CDH13: variants seen among roughly 807,000 people sequenced by gnomAD.
CDH13 encodes cadherin 13.
CDH13 carries 24 observed loss-of-function variants against 63.8 expected under a neutral mutation model. The observed-to-expected ratio is 0.38, with a 90% confidence interval of 0.27 to 0.53. CDH13 has a LOEUF of 0.53. Among genes scored for constraint, CDH13 ranks in the 20% least tolerant of loss-of-function variants. The pLI, the probability that CDH13 is intolerant of heterozygous loss-of-function variation, is 0.85. For missense variants in CDH13, 1,049 were observed against 903.1 expected (o/e 1.16, Z -2.07); for synonymous variants, 503 against 355.3 (o/e 1.42, Z -4.67).
chr16:82,682,057 C>T (rs16958212), intron 1 of CDH13, among the ~76,000 whole-genome samples: 9,608 of 152,256 alleles, frequency 0.063, 552 homozygotes, highest in East Asian at 0.26. Flanking sequence ...ATAATAACTA[C>T]GGAGTAATAA....
chr16:83,787,388 C>T (rs571105568), intron 13 of CDH13, among the ~76,000 whole-genome samples: 6 of 152,286 alleles, frequency 3.9e-5, no homozygotes, highest in African/African-American at 7.2e-5. Flanking sequence ...TATCCAAACA[C>T]GGACTTGAGG....
chr16:83,123,855 C>G (rs1481261364), intron 3 of CDH13, among the ~76,000 whole-genome samples: 1 of 152,138 alleles, frequency 6.6e-6, no homozygotes, highest in East Asian at 1.9e-4. Flanking sequence ...TCTCTTCAGC[C>G]TCACCAATAT....
chr16:82,888,944 C>T lies in CDH13; in HGVS notation c.157+30471C>T, dbSNP rs1055911607. Among the ~76,000 whole-genome samples the T allele has an allele frequency of 2.0e-5, 3 of 152,112 alleles. No individual in the cohort carries two copies. The South Asian group carries it at 6.2e-4, about 32-fold the overall frequency. On this transcript the variant is annotated intron_variant, in intron 2 of 13. Coordinates refer to ENST00000567109, the MANE Select transcript of CDH13 (RefSeq NM_001257.5). ...GCCCAAGTTTGTTAATGTTTCATTG[C>T]TTGGGGTGTTTTAAGATCCTGTGCC...
chr16:83,125,613 T>C (rs1332120962), intron 4 of CDH13, 112 bp downstream of exon 4: 4 of 603,984 alleles, frequency 6.6e-6, no homozygotes, highest in East Asian at 2.8e-5. Context: ...CATCTGTCTA[T>C]GATAAGAGAC....
chr16:83,297,357 C>T (rs76670275), intron 5 of CDH13, among the ~76,000 whole-genome samples: 3,568 of 152,036 alleles, frequency 0.023, 141 homozygotes, highest in African/African-American at 0.081. Context: ...ATTATTAATA[C>T]AATAATTGTA....
At chr16:83,011,688 C>G (rs1914172066) in intron 2 of CDH13, among the ~76,000 whole-genome samples, 2 of 152,212 alleles carry the variant, frequency 1.3e-5, no homozygotes, top group Admixed American at 1.3e-4. Context: ...TCTTCTACCA[C>G]CTTTCCGGCC....
chr16:83,644,712 G>A (rs1911627747), intron 8 of CDH13, among the ~76,000 whole-genome samples: 1 of 152,202 alleles, frequency 6.6e-6, no homozygotes, highest in African/African-American at 2.4e-5. Flanking sequence ...GCAGAGCAGA[G>A]GTGGAATTCT....
chr16:83,135,558 T>C (rs1025479486), intron 4 of CDH13, among the ~76,000 whole-genome samples: 1 of 152,226 alleles, frequency 6.6e-6, no homozygotes, highest in African/African-American at 2.4e-5. Flanking sequence ...ACCAGGGCTC[T>C]GGATGGATTT....
At chr16:83,188,777 G>T (rs2038606864) in intron 4 of CDH13, among the ~76,000 whole-genome samples, 1 of 152,194 alleles carries the variant, frequency 6.6e-6, no homozygotes, top group Non-Finnish European at 1.5e-5. Flanking sequence ...TAGGATTAAT[G>T]ACCAACCATA....
rs575492652 is a variant in CDH13 at position 82,829,923 on chromosome 16, C to T, written c.46-28439C>T. Among the ~76,000 whole-genome samples the T allele has an allele frequency of 2.0e-5, 3 of 152,288 alleles. No homozygotes were observed. The South Asian group carries it at 6.2e-4, about 32-fold the overall frequency. The stretch of plus-strand genomic sequence containing the variant: ...CCTTTGAGGACCATATCAGATGGTA[C>T]TTCCATAACAATTGTTAGGAAAATA... On this transcript the variant is annotated intron_variant, in intron 1 of 13. Transcript: ENST00000567109.
chr16:82,766,184 C>A (rs189461707), intron 1 of CDH13, among the ~76,000 whole-genome samples: 1 of 152,164 alleles, frequency 6.6e-6, no homozygotes, highest in Non-Finnish European at 1.5e-5. Flanking sequence ...TAGGCTTCTG[C>A]TAAAAAGTCT....
intron 1 of CDH13, chr16:82,824,409 G>C (rs571964529): frequency 6.6e-6 from 1 of 152,110 alleles, no homozygotes; most frequent in South Asian, 2.1e-4. Context: ...TAGGTAATAA[G>C]CAACGAAAAA....
At chr16:83,332,071 G>C (rs902017281) in intron 5 of CDH13, among the ~76,000 whole-genome samples, 2 of 152,036 alleles carry the variant, frequency 1.3e-5, no homozygotes, top group African/African-American at 4.8e-5. Flanking sequence ...TTCCTCATAA[G>C]TCTGTCAAAC....
intron 6 of CDH13, among the ~76,000 whole-genome samples, chr16:83,392,591 A>G (rs529124486): frequency 6.6e-6 from 1 of 152,286 alleles, no homozygotes; most frequent in Admixed American, 6.5e-5. Flanking sequence ...AGGTGTGCAC[A>G]CAGAAGGTAC....
At chr16:83,308,596 CATT>C (rs776812526) in intron 5 of CDH13, among the ~76,000 whole-genome samples, 4 of 152,314 alleles carry the variant, frequency 2.6e-5, no homozygotes, top group Non-Finnish European at 5.9e-5. Flanking sequence ...TTTATGAAAA[CATT>C]AGTGCTGAGC....
At chr16:82,979,335 T>C (rs1909951771) in intron 2 of CDH13, among the ~76,000 whole-genome samples, 1 of 152,140 alleles carries the variant, frequency 6.6e-6, no homozygotes, top group African/African-American at 2.4e-5. Context: ...TTTTGAAATG[T>C]GAGTACACGG....
At chr16:83,067,585 C>T (rs1159267231) in intron 3 of CDH13, among the ~76,000 whole-genome samples, 16 of 152,114 alleles carry the variant, frequency 1.1e-4, no homozygotes, top group Admixed American at 7.2e-4. Flanking sequence ...GGTTCATGAT[C>T]GAAGAACCTC....
chr16:83,574,670 A>C (rs943675678), intron 7 of CDH13, among the ~76,000 whole-genome samples: 5 of 152,150 alleles, frequency 3.3e-5, no homozygotes, highest in African/African-American at 1.2e-4. Flanking sequence ...TAACAAATCT[A>C]TTCCTTCTCT....
chr16:82,791,965 G>C (rs1349468275), intron 1 of CDH13, among the ~76,000 whole-genome samples: 1 of 152,132 alleles, frequency 6.6e-6, no homozygotes, highest in Non-Finnish European at 1.5e-5. Flanking sequence ...TAAGAACAAA[G>C]ACCCGCCCGT....
Sources: gnomAD v4.1 joint callset for allele counts (sites outside exome capture counted in the v4.1 genomes callset) on GRCh38, gnomAD v4.1.1 for gene constraint, MANE v1.5 for transcripts, NCBI Gene and HGNC (gene_info 2026-07-23, HGNC 2026-07-21) for gene names.